DNAJC24: variants seen among roughly 807,000 people sequenced by gnomAD.
DNAJC24 encodes the protein DnaJ heat shock protein family (Hsp40) member C24, also known as dnaJ homolog subfamily C member 24.
A neutral mutation model predicts 18.0 loss-of-function variants in DNAJC24; 17 were observed. The ratio of observed to expected loss-of-function variants is 0.94; its 90% CI spans 0.65 to 1.42. The LOEUF is 1.42. Ranked by LOEUF, DNAJC24 falls within the 40% of genes most tolerant of loss-of-function variation. The probability of loss-of-function intolerance (pLI) is 0.00; values close to 1 mark genes in which losing one functional copy is unlikely to be tolerated. For missense variants in DNAJC24, 158 were observed against 175.6 expected (o/e 0.90, Z 0.57); for synonymous variants, 55 against 57.7 (o/e 0.95, Z 0.21).
intron 3 of DNAJC24, among the ~76,000 whole-genome samples, chr11:31,420,903 T>C (rs1952797836): frequency 1.3e-5 from 2 of 152,190 alleles, no homozygotes; most frequent in East Asian, 3.8e-4. Flanking sequence ...ACCTGTTTTA[T>C]AGTGAAGCAG....
At chr11:31,403,227 G>C (rs1173097542) in intron 2 of DNAJC24, among the ~76,000 whole-genome samples, 4 of 151,812 alleles carry the variant, frequency 2.6e-5, no homozygotes, top group Admixed American at 6.6e-5. Flanking sequence ...AACTGAACTT[G>C]GGTCTGCCCA....
At chr11:31,404,321 C>T (rs925449731) in intron 2 of DNAJC24, among the ~76,000 whole-genome samples, 2 of 152,170 alleles carry the variant, frequency 1.3e-5, no homozygotes, top group Non-Finnish European at 2.9e-5. Context: ...ATTCACACAC[C>T]TCTGGCATAA....
chr11:31,397,298 C>G (rs1292281030), intron 2 of DNAJC24, among the ~76,000 whole-genome samples: 6 of 152,112 alleles, frequency 3.9e-5, no homozygotes, highest in Non-Finnish European at 8.8e-5. Flanking sequence ...GCCAGTTTTA[C>G]ACGTGGGTTA....
intron 2 of DNAJC24, among the ~76,000 whole-genome samples, chr11:31,379,310 G>T (rs1423373185): frequency 2.0e-5 from 3 of 152,122 alleles, no homozygotes; most frequent in Non-Finnish European, 4.4e-5. Flanking sequence ...AACTGTGCAT[G>T]TGAGGGATGT....
At chr11:31,398,191 TA>T (rs1952562279) in intron 2 of DNAJC24, among the ~76,000 whole-genome samples, 1 of 152,166 alleles carries the variant, frequency 6.6e-6, no homozygotes, top group African/African-American at 2.4e-5. Context: ...CTACAGTTAT[TA>T]AATGCTTTAT....
At chr11:31,416,112 T>G (rs1952749475) in intron 3 of DNAJC24, 1 of 152,182 alleles carries the variant, frequency 6.6e-6, no homozygotes, top group South Asian at 2.1e-4. Flanking sequence ...GCTCAAAGGC[T>G]TTACTACTTT....
chr11:31,403,715 G>A (rs1055458613), intron 2 of DNAJC24, among the ~76,000 whole-genome samples: 5 of 152,202 alleles, frequency 3.3e-5, no homozygotes, highest in African/African-American at 1.2e-4. Context: ...ATTTGGTGGT[G>A]GTCCAGGTTT....
chr11:31,424,279 A>G (rs1952839494), intron 3 of DNAJC24, among the ~76,000 whole-genome samples: 4 of 152,150 alleles, frequency 2.6e-5, no homozygotes, highest in Admixed American at 2.6e-4. Flanking sequence ...TGTCTATAAG[A>G]TACCCTGGAA....
chr11:31,376,284 A>G (rs963923981), intron 2 of DNAJC24, among the ~76,000 whole-genome samples: 2 of 152,256 alleles, frequency 1.3e-5, no homozygotes, highest in South Asian at 2.1e-4. Context: ...AGTCCCGGGT[A>G]TATCTTTATC....
chr11:31,400,141 T>G (rs1952586092), intron 2 of DNAJC24, among the ~76,000 whole-genome samples: 1 of 152,236 alleles, frequency 6.6e-6, no homozygotes, highest in African/African-American at 2.4e-5. Flanking sequence ...TATGCCACAT[T>G]TTCTTTATCC....
At chr11:31,402,854 T>G (rs998820286) in intron 2 of DNAJC24, among the ~76,000 whole-genome samples, 1 of 151,458 alleles carries the variant, frequency 6.6e-6, no homozygotes, top group African/African-American at 2.4e-5. Context: ...CAACAGCATT[T>G]CTACAAATGT....
intron 2 of DNAJC24, among the ~76,000 whole-genome samples, chr11:31,402,965 G>A (rs192930396): frequency 1.2e-4 from 19 of 152,292 alleles, no homozygotes; most frequent in Admixed American, 1.2e-3. Flanking sequence ...TATTGTATAT[G>A]CAGTTTGTCA....
chr11:31,371,790 A>G (rs1417203697), intron 2 of DNAJC24, among the ~76,000 whole-genome samples: 1 of 127,570 alleles, frequency 7.8e-6, no homozygotes, highest in African/African-American at 3.0e-5. Flanking sequence ...GATTTAGACC[A>G]TTTATACACT....
chr11:31,404,846 G>A (rs766801238), intron 2 of DNAJC24, among the ~76,000 whole-genome samples: 7 of 151,536 alleles, frequency 4.6e-5, no homozygotes, highest in Non-Finnish European at 8.8e-5. Flanking sequence ...TCATATTGGG[G>A]CATTGCAAGA....
intron 2 of DNAJC24, among the ~76,000 whole-genome samples, chr11:31,386,697 C>A (rs1254806869): frequency 6.6e-6 from 1 of 151,998 alleles, no homozygotes; most frequent in Non-Finnish European, 1.5e-5. Context: ...TGGAGAGAGA[C>A]TCCTGCAGAG....
intron 2 of DNAJC24, chr11:31,396,393 A>G (rs1952542855): frequency 4.8e-6 from 2 of 412,488 alleles, no homozygotes; most frequent in African/African-American, 4.2e-5. Flanking sequence ...GGGACTTTGG[A>G]GGTCGGTTAG....
At chr11:31,402,362 T>G (rs1461208329) in intron 2 of DNAJC24, among the ~76,000 whole-genome samples, 1 of 152,030 alleles carries the variant, frequency 6.6e-6, no homozygotes, top group Non-Finnish European at 1.5e-5. Flanking sequence ...TGTCAATGAG[T>G]GGTTAGTAAA....
intron 2 of DNAJC24, among the ~76,000 whole-genome samples, chr11:31,385,895 C>T (rs1321591592): frequency 6.6e-6 from 1 of 152,174 alleles, no homozygotes; most frequent in Non-Finnish European, 1.5e-5. Flanking sequence ...CTCCCCCATC[C>T]CCCTGCAGTG....
intron 4 of DNAJC24, chr11:31,426,594 A>G: frequency 2.8e-6 from 1 of 354,746 alleles, no homozygotes; most frequent in Non-Finnish European, 5.0e-6. Context: ...GATGTTAGGA[A>G]CATAAAGTTT....
Sources: allele counts gnomAD v4.1 joint callset (sites outside exome capture counted in the v4.1 genomes callset), GRCh38; gene constraint gnomAD v4.1.1; transcripts MANE v1.5; gene names NCBI Gene and HGNC (gene_info 2026-07-23, HGNC 2026-07-21).